Variants in ANKRD50 observed in about 807,000 individuals in gnomAD.
ANKRD50 encodes ankyrin repeat domain 50, also known as ankyrin repeat domain-containing protein 50.
In ANKRD50, 40 loss-of-function variants were observed where a neutral mutation model predicts 112.0. The ratio of observed to expected loss-of-function variants is 0.36; its 90% confidence interval spans 0.28 to 0.46. The LOEUF is 0.46. ANKRD50 is among the 20% of genes least tolerant of loss of function. The pLI is 1.00. For synonymous variants in ANKRD50, 613 were observed against 619.1 expected (o/e 0.99, Z 0.15); for missense variants, 1,487 against 1,701.7 (o/e 0.87, Z 2.22).
At position 124,678,690 on chromosome 4, in the gene ANKRD50, G is replaced by A; in HGVS notation, c.728C>T (p.Thr243Ile). 6.2e-7 allele frequency: 1 copy of A among 1,613,224 alleles called. No homozygotes were observed. The highest frequency in any genetic ancestry group is 2.2e-5 in the East Asian group (1 of 44,860). Residue 243 changes from threonine (T) to isoleucine (I), a missense_variant, in exon 3 of 5, where the codon ACT becomes ATT. Thr to Ile is a moderately conservative substitution (Grantham distance 89). Around this residue, in one of 2 missense-constraint regions of ANKRD50, gnomAD observed 1,046 missense variants for 1,269.5 expected, o/e 0.82. Transcript: ENST00000504087. ...CSARKQSKAV[T>I]KMFTGFRKIS... ...ATTATGCTTACCAGTAAACATTTTA[G>A]TAACAGCCTTACTCTGCTTTCGGGC...
chr4:124,709,891 T>G lies in ANKRD50; in HGVS notation c.512+109A>C, dbSNP rs1033275528. 2.1e-6 allele frequency: 3 copies of G among 1,430,168 alleles called. No homozygotes were observed. In the African/African-American group the frequency reaches 4.3e-5, roughly 20 times the overall value. 88.6% of individuals were successfully genotyped at this position (1,430,168 alleles called of 1,614,324 possible). On this transcript the variant is annotated intron_variant, in intron 2 of 4. Coordinates refer to ENST00000504087, the MANE Select transcript of ANKRD50 (RefSeq NM_020337.3). ...CTCATAACTTCAGATTAAGGCCAAATGTACAGCACCAGTAAAAGTAACCCA... is the reference window on the plus strand; with the variant it reads ...CTCATAACTTCAGATTAAGGCCAAAGGTACAGCACCAGTAAAAGTAACCCA...
intron 1 of ANKRD50, among the ~76,000 whole-genome samples, 190 bp downstream of exon 1, chr4:124,712,268 T>TGCGCTCCCGCCCCATGCCCCGCTC (rs1725653732): frequency 6.6e-6 from 1 of 152,068 alleles, no homozygotes; most frequent in East Asian, 2.0e-4. Context: ...CTTCCGCCTC[T>TGCGCTCCCGCCCCATGCCCCGCTC]GCGCTCCCGC....
chr4:124,699,399 G>T (rs1431673220), intron 2 of ANKRD50, among the ~76,000 whole-genome samples: 1 of 151,934 alleles, frequency 6.6e-6, no homozygotes, highest in East Asian at 1.9e-4. Context: ...TATCCTCTGG[G>T]GCCATTAATT....
chr4:124,672,464 A>T lies in ANKRD50; in HGVS notation c.813T>A (p.Leu271=), dbSNP rs765355007. The T allele has an allele frequency of 6.2e-7, 1 of 1,611,834 alleles. No individual in the cohort carries two copies. Among genetic ancestry groups the T allele is most frequent in the South Asian group, 1.1e-5 (1 of 90,578 alleles). Residue 271 remains leucine, a synonymous_variant, in exon 4 of 5, where the codon CTT becomes CTA. Transcript: ENST00000504087. ...AAGCTTCTTCTTGATCTAAACGATG[A>T]AGAATGTACTGCTGAACATCCTTGA... The part of the protein sequence containing the change: ...YIVKDVQQYI[L]HRLDQEEALR...
At position 124,678,676 on chromosome 4, in the gene ANKRD50, C is replaced by G; in HGVS notation, c.742G>C (p.Gly248Arg). 1 of 1,610,042 alleles carries G rather than the reference C, an allele frequency of 6.2e-7. No individual in the cohort carries two copies. Among genetic ancestry groups the G allele is most frequent in the African/African-American group, 1.3e-5 (1 of 74,884 alleles). ...GATGGCAGTAAGTAATTATGCTTAC[C>G]AGTAAACATTTTAGTAACAGCCTTA... Reference protein sequence around the residue: ...QSKAVTKMFTGFRKISLDDLR... With the variant: ...QSKAVTKMFTRFRKISLDDLR... The change falls in exon 3 of 5, where the codon GGT (glycine) becomes CGT (arginine). Residue 248 changes from glycine (G) to arginine (R), a missense_variant and splice_region_variant. Gly to Arg is a moderately radical substitution (Grantham distance 125). Transcript: ENST00000504087.
intron 2 of ANKRD50, among the ~76,000 whole-genome samples, chr4:124,687,057 T>A (rs868254137): frequency 1.3e-5 from 2 of 152,266 alleles, no homozygotes; most frequent in South Asian, 4.1e-4. Context: ...CGGAAATAAT[T>A]CTGAAAGAGA....
intron 2 of ANKRD50, among the ~76,000 whole-genome samples, chr4:124,684,553 A>C (rs1425073998): frequency 1.3e-5 from 2 of 152,144 alleles, no homozygotes; most frequent in South Asian, 4.1e-4. Context: ...GGAAACTGCT[A>C]CCATAAGTCT....
rs753236192 is a variant in ANKRD50 at position 124,669,971 on chromosome 4, T to A, written c.3306A>T (p.Ala1102=). ...ATGGGGAACAGCCATTCAAACTAGA[T>A]GCACCATATTTTTCTAATAATTTAA... ...QIIKLLEKYG[A]SSLNGCSPSP... is the part of the protein sequence containing the mutation. Residue 1102 remains alanine, a synonymous_variant, in exon 4 of 5, where the codon GCA becomes GCT. Coordinates refer to ENST00000504087, the MANE Select transcript of ANKRD50 (RefSeq NM_020337.3). 2 of 1,610,996 alleles carry A rather than the reference T, an allele frequency of 1.2e-6. No individual in the cohort carries two copies. The highest frequency in any genetic ancestry group is 2.2e-5 in the South Asian group (2 of 90,316).
intron 2 of ANKRD50, among the ~76,000 whole-genome samples, chr4:124,704,175 T>C (rs116713962): frequency 0.015 from 2,210 of 152,324 alleles, 56 homozygotes; most frequent in African/African-American, 0.05. Context: ...TGAAATTATA[T>C]TGATTCACTT....
intron 2 of ANKRD50, among the ~76,000 whole-genome samples, chr4:124,694,906 A>T (rs535256648): frequency 1.4e-4 from 22 of 152,330 alleles, no homozygotes; most frequent in African/African-American, 5.3e-4. Flanking sequence ...AAAAAATTAC[A>T]AAACTTACAA....
chr4:124,670,965 C>G lies in ANKRD50; in HGVS notation c.2312G>C (p.Gly771Ala), dbSNP rs1381706555. The change falls in exon 4 of 5, where the codon GGA (glycine) becomes GCA (alanine). Residue 771 changes from glycine (G) to alanine (A), a missense_variant. Coordinates refer to ENST00000504087, the MANE Select transcript of ANKRD50 (RefSeq NM_020337.3). ...GTTATCTGTGTGATCTACATCTGCT[C>G]CCCCTTCTAGAAGCAAGTCAACCAC... ...VDVVDLLLEG[G>A]ADVDHTDNNG... The G allele has an allele frequency of 3.1e-6, 5 of 1,613,808 alleles. No homozygotes were observed. Among genetic ancestry groups the G allele is most frequent in the Admixed American group, 3.3e-5 (2 of 59,968 alleles).
In ANKRD50 at chr4:124,670,239, C is replaced by T. The variant is rs765633282; in HGVS notation, c.3038G>A (p.Arg1013His). Residue 1013 changes from arginine (R) to histidine (H), a missense_variant, in exon 4 of 5, where the codon CGC (arginine) becomes CAC (histidine). Physicochemically the swap from Arg to His is conservative, Grantham distance 29. This residue lies in a region of ANKRD50 where 1,046 missense variants were observed against 1,269.5 expected (regional missense o/e 0.82). Coordinates refer to ENST00000504087, the MANE Select transcript of ANKRD50 (RefSeq NM_020337.3). The stretch of plus-strand genomic sequence containing the variant: ...CCAGGCTGCAGACTGCAAAGCAGAG[C>T]GCTTTTCATTGTCTGCAGCATTGAC... ...ADVNAADNEK[R>H]SALQSAAWQG... is the part of the protein sequence containing the mutation. The T allele has an allele frequency of 9.9e-6, 16 of 1,613,694 alleles. No individual in the cohort carries two copies. Among genetic ancestry groups the T allele is most frequent in the Admixed American group, 3.3e-5 (2 of 59,916 alleles).
At chr4:124,682,322 CA>C (rs36107017) in intron 2 of ANKRD50, among the ~76,000 whole-genome samples, 5,839 of 85,078 alleles carry the variant, frequency 0.069, 13 homozygotes, top group African/African-American at 0.093. Flanking sequence ...GACTCCGTCT[CA>C]AAAAAAAAAA....
In ANKRD50 at chr4:124,671,148, C is replaced by A; in HGVS notation, c.2129G>T (p.Gly710Val). The A allele has an allele frequency of 6.2e-7, 1 of 1,613,872 alleles. No individual in the cohort carries two copies. The change falls in exon 4 of 5, where the codon GGC (glycine) becomes GTC (valine). Residue 710 changes from glycine to valine, a missense_variant. By Grantham distance (109) the Gly-to-Val change is moderately radical. This residue lies in a region of ANKRD50 where 1,046 missense variants were observed against 1,269.5 expected (regional missense o/e 0.82). Coordinates refer to ENST00000504087, the MANE Select transcript of ANKRD50 (RefSeq NM_020337.3). ...TGCAGCTACAGAGAGTGCAGTCCTG[C>A]CATCAACATCCTCATGATTTACTTC... ...GAEVNHEDVD[G>V]RTALSVAALC...
At chr4:124,683,390 A>G (rs937988211) in intron 2 of ANKRD50, among the ~76,000 whole-genome samples, 32 of 151,946 alleles carry the variant, frequency 2.1e-4, no homozygotes, top group African/African-American at 5.8e-4. Context: ...TAATGATCAA[A>G]TCAGGGTAAT....
intron 2 of ANKRD50, among the ~76,000 whole-genome samples, chr4:124,697,029 T>G (rs1725270678): frequency 6.6e-6 from 1 of 152,192 alleles, no homozygotes; most frequent in African/African-American, 2.4e-5. Flanking sequence ...CACTGGTACT[T>G]ACAGGTTTCC....
At chr4:124,682,743 T>A (rs1724922205) in intron 2 of ANKRD50, among the ~76,000 whole-genome samples, 1 of 152,050 alleles carries the variant, frequency 6.6e-6, no homozygotes, top group African/African-American at 2.4e-5. Context: ...TTTTTAATTT[T>A]TTTTATATTT....
rs762306694 is a variant in ANKRD50, at chr4:124,669,336, C to T, written c.3941G>A (p.Gly1314Glu). 6.2e-7 allele frequency: 1 copy of T among 1,613,554 alleles called. No homozygotes were observed. The highest frequency in any genetic ancestry group is 8.5e-7 in the Non-Finnish European group (1 of 1,179,776). The change falls in exon 4 of 5, where the codon GGG (glycine) becomes GAG (glutamate). Residue 1314 changes from glycine (G) to glutamate (E), a missense_variant. Gly to Glu is a moderately conservative substitution (Grantham distance 98, BLOSUM62 -2). Transcript: ENST00000504087. Reference protein sequence around the residue: ...FDRRGPIAKSGTAAPPKQMPA... With the variant: ...FDRRGPIAKSETAAPPKQMPA... Reference sequence around the variant, plus strand: ...CATTTGTTTAGGTGGTGCAGCAGTCCCGGATTTGGCTATAGGTCCTCTTCT... The same window carrying T: ...CATTTGTTTAGGTGGTGCAGCAGTCTCGGATTTGGCTATAGGTCCTCTTCT...
chr4:124,668,978 T>C lies in ANKRD50; in HGVS notation c.*3+6A>G, dbSNP rs779446138. 3.1e-6 allele frequency: 5 copies of C among 1,592,644 alleles called. No homozygotes were observed. In the South Asian group the frequency reaches 5.8e-5, roughly 18 times the overall value. On this transcript the variant is annotated splice_donor_region_variant and intron_variant, in intron 4 of 4. Coordinates refer to ENST00000504087, the MANE Select transcript of ANKRD50 (RefSeq NM_020337.3). ...TTTTTTACTCTTTATGTTGACAAAA[T>C]ATTACCTTTTATAATGGTGTTTCCT...
Sources: allele counts gnomAD v4.1 joint callset (sites outside exome capture counted in the v4.1 genomes callset), GRCh38; gene constraint gnomAD v4.1.1; regional missense constraint gnomAD v4.1.1; transcripts MANE v1.5; gene names NCBI Gene and HGNC (gene_info 2026-07-23, HGNC 2026-07-21).